XRCC4: variants seen among roughly 807,000 people sequenced by gnomAD.
XRCC4 encodes the protein DNA repair protein XRCC4.
A neutral mutation model predicts 39.1 loss-of-function variants in XRCC4; 28 were observed. That is an observed-to-expected ratio of 0.72 (90% CI 0.53 to 0.98). The LOEUF (loss-of-function observed/expected upper bound fraction) is 0.98. XRCC4 is among the 50% of genes least tolerant of loss of function. XRCC4 has a pLI of 0.00. For synonymous variants in XRCC4, 123 were observed against 126.4 expected, an observed-to-expected ratio of 0.97 and a Z score of 0.18; for missense variants, 350 against 376.4, an observed-to-expected ratio of 0.93 and a Z score of 0.58.
the XRCC4 span, among the ~76,000 whole-genome samples, chr5:83,364,297 T>A: frequency 7.1e-4 from 108 of 152,272 alleles, no homozygotes; most frequent in Non-Finnish European, 1.4e-3. Flanking sequence ...GTCTTTCTAA[T>A]AGACTCTGGA....
intron 6 of XRCC4, 115 bp downstream of exon 6, chr5:83,205,036 C>A (rs779212297): frequency 7.3e-6 from 5 of 687,430 alleles, no homozygotes; most frequent in Non-Finnish European, 1.1e-5. Context: ...TATGAAAATT[C>A]TTTAGCATTT....
Position 83,295,513 on chromosome 5 carries a change from T to C in XRCC4, c.893+36836T>C, listed in dbSNP as rs550756986. Among the ~76,000 whole-genome samples, 4 of 152,128 alleles carry C rather than the reference T, an allele frequency of 2.6e-5. No homozygotes were observed. The East Asian group carries it at 7.7e-4, about 29-fold the overall frequency. ...ACAAACAGGGAGTTGAGATGGAGAA[T>C]TGCAGAATGAATCTGCCCTAGGTAA... On this transcript the variant is annotated intron_variant, in intron 7 of 7. Transcript: ENST00000396027.
At chr5:83,163,848 T>A (rs1749334255) in intron 3 of XRCC4, among the ~76,000 whole-genome samples, 2 of 152,200 alleles carry the variant, frequency 1.3e-5, no homozygotes, top group South Asian at 4.1e-4. Flanking sequence ...ATACTGAAAA[T>A]GCTCTTAGCT....
At chr5:83,214,028 C>T (rs1363049551) in intron 6 of XRCC4, among the ~76,000 whole-genome samples, 1 of 152,150 alleles carries the variant, frequency 6.6e-6, no homozygotes, top group Non-Finnish European at 1.5e-5. Context: ...CAAACACTCT[C>T]AACAAACCAG....
At chr5:83,272,470 A>G (rs1394930831) in intron 7 of XRCC4, among the ~76,000 whole-genome samples, 4 of 152,088 alleles carry the variant, frequency 2.6e-5, no homozygotes, top group South Asian at 2.1e-4. Flanking sequence ...GGTTTGTTAC[A>G]TAGGTACGTA....
Position 83,307,157 on chromosome 5 carries a change from A to C in XRCC4, c.894-45974A>C, listed in dbSNP as rs1755520259. Among the ~76,000 whole-genome samples the C allele has an allele frequency of 3.9e-5, 6 of 152,200 alleles. No individual in the cohort carries two copies. The South Asian group carries it at 1.2e-3, about 32-fold the overall frequency. ...TGCACACTTTCTTGCTAACAGACAA[A>C]TTCTCTAAGTGCTGAAGGAATTCTG... On this transcript the variant is annotated intron_variant, in intron 7 of 7. Coordinates refer to ENST00000396027, the MANE Select transcript of XRCC4 (RefSeq NM_003401.5).
chr5:83,257,952 A>G (rs952453699), intron 6 of XRCC4, among the ~76,000 whole-genome samples: 10 of 152,152 alleles, frequency 6.6e-5, no homozygotes, highest in Non-Finnish European at 1.3e-4. Flanking sequence ...AAAACCAAAC[A>G]TTGCATGTTC....
intron 1 of XRCC4, among the ~76,000 whole-genome samples, chr5:83,094,523 T>A (rs1360456077): frequency 6.6e-6 from 1 of 151,730 alleles, no homozygotes; most frequent in African/African-American, 2.4e-5. Context: ...TCAAGGCAGC[T>A]GTTCAAGCTT....
intron 6 of XRCC4, among the ~76,000 whole-genome samples, chr5:83,205,913 G>GAAAACA (rs954238853): frequency 4.0e-5 from 6 of 151,894 alleles, no homozygotes; most frequent in East Asian, 1.9e-4. Flanking sequence ...ATGCCAAACA[G>GAAAACA]AAAACAAAAA....
intron 3 of XRCC4, among the ~76,000 whole-genome samples, chr5:83,144,418 C>T (rs1748340837): frequency 2.0e-5 from 3 of 151,954 alleles, no homozygotes; most frequent in East Asian, 3.9e-4. Flanking sequence ...ACAAACTTCA[C>T]CTAATGACTA....
At chr5:83,166,587 C>A (rs563761994) in intron 3 of XRCC4, among the ~76,000 whole-genome samples, 96 of 151,922 alleles carry the variant, frequency 6.3e-4, no homozygotes, top group Non-Finnish European at 9.4e-4. Flanking sequence ...CCTCAGCCTC[C>A]CAAGCAGCTG....
intron 1 of XRCC4, among the ~76,000 whole-genome samples, chr5:83,098,568 ATAT>A (rs1034719448): frequency 3.3e-5 from 5 of 152,074 alleles, no homozygotes; most frequent in African/African-American, 9.7e-5. Flanking sequence ...TAACTCAAAA[ATAT>A]TATTTTAGGA....
intron 7 of XRCC4, among the ~76,000 whole-genome samples, chr5:83,308,270 C>T (rs76575656): frequency 0.015 from 2,229 of 152,176 alleles, 48 homozygotes; most frequent in African/African-American, 0.047. Context: ...CTCAGCATTC[C>T]ATTTCATTTA....
In XRCC4 at chr5:83,105,074, A is replaced by G. The variant is rs1746134021; in HGVS notation, c.139+16A>G. On this transcript the variant is annotated intron_variant, in intron 2 of 7. Transcript: ENST00000396027. ...ACTGGGACAGGTAATACTAAAAACA[A>G]AGTTTTTATAAGTAAAATTTAAGTG... 1 of 1,590,282 alleles carries G rather than the reference A, an allele frequency of 6.3e-7. No homozygotes were observed. Among genetic ancestry groups the G allele is most frequent in the African/African-American group, 1.4e-5 (1 of 73,304 alleles).
Position 83,353,152 on chromosome 5 carries a change from G to A in XRCC4, c.915G>A (p.Glu305=), listed in dbSNP as rs1580542857. 4 of 1,610,788 alleles carry A rather than the reference G, an allele frequency of 2.5e-6. No homozygotes were observed. The East Asian group carries it at 9.0e-5, about 36-fold the overall frequency. ...EKEKPDSSLP[E]TSKKEHISAE... Reference sequence around the variant, plus strand: ...CTAGGCCTGATTCTTCACTACCTGAGACGTCTAAAAAGGAGCACATCTCAG... The same window carrying A: ...CTAGGCCTGATTCTTCACTACCTGAAACGTCTAAAAAGGAGCACATCTCAG... Residue 305 remains glutamate, a synonymous_variant, in exon 8 of 8, where the codon GAG becomes GAA. Transcript: ENST00000396027.
chr5:83,364,428 T>G, the XRCC4 span, among the ~76,000 whole-genome samples: 1 of 152,074 alleles, frequency 6.6e-6, no homozygotes, highest in Non-Finnish European at 1.5e-5. Context: ...CTGAACTTTA[T>G]AAGAATACTA....
intron 7 of XRCC4, among the ~76,000 whole-genome samples, chr5:83,259,988 T>G (rs748826627): frequency 6.6e-6 from 1 of 152,108 alleles, no homozygotes. Flanking sequence ...GGGATTATTT[T>G]GTCTATCATT....
At chr5:83,310,776 C>CT (rs758343630) in intron 7 of XRCC4, 1 of 456,590 alleles carries the variant, frequency 2.2e-6, no homozygotes, top group South Asian at 1.5e-5. Context: ...GCAATTATAA[C>CT]TTTCCTTATT....
chr5:83,360,802 G>A, the XRCC4 span, among the ~76,000 whole-genome samples: 3 of 151,592 alleles, frequency 2.0e-5, no homozygotes, highest in Non-Finnish European at 4.4e-5. Context: ...CTGAACCACA[G>A]TCAACCATGC....
Sources: gnomAD v4.1 joint callset for allele counts (sites outside exome capture counted in the v4.1 genomes callset) on GRCh38, gnomAD v4.1.1 for gene constraint, MANE v1.5 for transcripts, NCBI Gene and HGNC (gene_info 2026-07-23, HGNC 2026-07-21) for gene names.